Variants in MCUB observed in about 807,000 individuals in gnomAD.
The protein encoded by MCUB is calcium uniporter regulatory subunit MCUb, mitochondrial.
A neutral mutation model predicts 41.4 loss-of-function variants in MCUB; 46 were observed. The observed-to-expected ratio is 1.11, with a 90% CI of 0.88 to 1.42. MCUB has a LOEUF of 1.42. Ranked by LOEUF, MCUB falls within the 40% of genes most tolerant of loss-of-function variation. The pLI, the probability that MCUB is intolerant of heterozygous loss-of-function variation, is 0.00. For missense variants in MCUB, 403 were observed against 404.9 expected (o/e 1.00, Z 0.04); for synonymous variants, 148 against 148.2 (o/e 1.00, Z 0.01).
At chr4:109,572,523 A>G (rs1726937040) in intron 1 of MCUB, among the ~76,000 whole-genome samples, 1 of 152,182 alleles carries the variant, frequency 6.6e-6, no homozygotes, top group Admixed American at 6.5e-5. Flanking sequence ...TTAGATATTT[A>G]GGATAGTTGA....
intron 1 of MCUB, among the ~76,000 whole-genome samples, chr4:109,584,731 A>G (rs1727264324): frequency 6.6e-6 from 1 of 152,184 alleles, no homozygotes. Flanking sequence ...ATTCAGGAGC[A>G]CGTTGTTCAG....
At chr4:109,648,524 C>A in intron 1 of MCUB, 1 of 387,888 alleles carries the variant, frequency 2.6e-6, no homozygotes. Context: ...CTGTCCAGAC[C>A]AGAAGAAGAA....
chr4:109,636,697 T>C (rs920476381), intron 1 of MCUB, among the ~76,000 whole-genome samples: 6 of 152,146 alleles, frequency 3.9e-5, no homozygotes, highest in Non-Finnish European at 5.9e-5. Flanking sequence ...TAGCCTGATA[T>C]GGTGGTGCCC....
chr4:109,564,934 C>T (rs1032553540), intron 1 of MCUB, among the ~76,000 whole-genome samples: 1 of 152,218 alleles, frequency 6.6e-6, no homozygotes, highest in African/African-American at 2.4e-5. Context: ...TAGATTCTTA[C>T]AGCAACTCCA....
intron 1 of MCUB, among the ~76,000 whole-genome samples, chr4:109,615,443 G>A (rs1459039117): frequency 1.4e-5 from 2 of 147,018 alleles, no homozygotes; most frequent in African/African-American, 5.1e-5. Context: ...TCTCGCTCTA[G>A]CTCCCAGGCT....
intron 1 of MCUB, among the ~76,000 whole-genome samples, chr4:109,606,221 G>A (rs949155002): frequency 6.6e-5 from 10 of 152,014 alleles, no homozygotes; most frequent in Non-Finnish European, 1.2e-4. Flanking sequence ...TGATCCACCC[G>A]CTTTGGCCTC....
intron 1 of MCUB, among the ~76,000 whole-genome samples, chr4:109,566,309 A>T (rs990393501): frequency 6.6e-6 from 1 of 151,662 alleles, no homozygotes; most frequent in Non-Finnish European, 1.5e-5. Flanking sequence ...CTCTACTAAA[A>T]ATACAAAAAA....
In MCUB at chr4:109,687,482, CTGATCACA is replaced by C. The variant is rs755026561; in HGVS notation, c.934-30_934-23del. 2.7e-6 allele frequency: 4 copies of C among 1,474,414 alleles called. No homozygotes were observed. The African/African-American group carries it at 5.6e-5, about 20-fold the overall frequency. The allele number at this position is 1,474,414 out of a possible 1,614,324, so 91.3% of individuals were successfully genotyped here. A position where few individuals can be genotyped will look rare whatever the true frequency, so the allele number is the denominator to read the frequency against. On this transcript the variant is annotated intron_variant, in intron 7 of 7. Transcript: ENST00000394650. ...TAATGTTGGTATGTTTCTCTTCTTTCTGATCACATGCTTTTTCTTTTTCCCATGACAGG... is the reference window on the plus strand; with the variant it reads ...TAATGTTGGTATGTTTCTCTTCTTTCTGCTTTTTCTTTTTCCCATGACAGG...
chr4:109,625,583 G>T (rs565775357), intron 1 of MCUB, among the ~76,000 whole-genome samples: 12 of 152,240 alleles, frequency 7.9e-5, no homozygotes, highest in African/African-American at 1.2e-4. Context: ...AATAGGTTAG[G>T]TGCATTTTCA....
chr4:109,625,955 G>A lies in MCUB; in HGVS notation c.100-33056G>A, dbSNP rs188452121. Among the ~76,000 whole-genome samples, 5 of 152,224 alleles carry A rather than the reference G, an allele frequency of 3.3e-5. No homozygotes were observed. The East Asian group carries it at 9.6e-4, about 29-fold the overall frequency. ...TTTTCCTTAATGATTTTTCCTTAAT[G>A]CATTCGTCCTCAGTGTTAAAGCTCA... On this transcript the variant is annotated intron_variant, in intron 1 of 7. Coordinates refer to ENST00000394650, the MANE Select transcript of MCUB (RefSeq NM_017918.5).
chr4:109,568,460 A>G (rs1164307375), intron 1 of MCUB, among the ~76,000 whole-genome samples: 1 of 151,752 alleles, frequency 6.6e-6, no homozygotes, highest in African/African-American at 2.4e-5. Context: ...GTGGCTTGTC[A>G]TGTATTTTCA....
At chr4:109,603,242 C>T (rs957381188) in intron 1 of MCUB, among the ~76,000 whole-genome samples, 24 of 152,170 alleles carry the variant, frequency 1.6e-4, no homozygotes, top group Non-Finnish European at 3.1e-4. Context: ...ATTGCAGGCG[C>T]GCGCCGCCAC....
intron 1 of MCUB, among the ~76,000 whole-genome samples, chr4:109,624,965 C>A (rs1728330511): frequency 6.6e-6 from 1 of 151,956 alleles, no homozygotes; most frequent in South Asian, 2.1e-4. Context: ...CATGGTGAAC[C>A]CCCGCCTCTA....
At chr4:109,674,106 G>A (rs941790576) in intron 4 of MCUB, 21 of 1,449,142 alleles carry the variant, frequency 1.4e-5, no homozygotes, top group East Asian at 6.8e-5. Context: ...GGGAATTCTG[G>A]GCAAAACCTA....
At chr4:109,576,451 A>T (rs974509270) in intron 1 of MCUB, among the ~76,000 whole-genome samples, 2 of 152,200 alleles carry the variant, frequency 1.3e-5, no homozygotes, top group Admixed American at 6.5e-5. Context: ...AATAAACATG[A>T]AAAGTGGTCA....
chr4:109,658,782 G>C (rs1287559671), intron 1 of MCUB, among the ~76,000 whole-genome samples: 1 of 152,138 alleles, frequency 6.6e-6, no homozygotes, highest in Non-Finnish European at 1.5e-5. Flanking sequence ...CCAATTTAGG[G>C]ATCCCGTCCT....
chr4:109,598,343 G>A (rs1019815443), intron 1 of MCUB, among the ~76,000 whole-genome samples: 3 of 152,150 alleles, frequency 2.0e-5, no homozygotes, highest in East Asian at 1.9e-4. Flanking sequence ...CTGCAATCCC[G>A]GCACCTTGGG....
chr4:109,612,569 T>C (rs112487885), intron 1 of MCUB, among the ~76,000 whole-genome samples: 5 of 151,808 alleles, frequency 3.3e-5, no homozygotes, highest in African/African-American at 1.2e-4. Context: ...CCCAGCCTCC[T>C]CCTCTTAAGG....
At chr4:109,586,968 G>A (rs556573850) in intron 1 of MCUB, among the ~76,000 whole-genome samples, 18 of 152,342 alleles carry the variant, frequency 1.2e-4, no homozygotes, top group Admixed American at 2.6e-4. Context: ...ACACCGTGCT[G>A]GGAGAACTAC....
Sources: gnomAD v4.1 joint callset for allele counts (sites outside exome capture counted in the v4.1 genomes callset) on GRCh38, gnomAD v4.1.1 for gene constraint, MANE v1.5 for transcripts, NCBI Gene and HGNC (gene_info 2026-07-23, HGNC 2026-07-21) for gene names.